DLG2: variants seen among roughly 807,000 people sequenced by gnomAD.
The protein encoded by DLG2 is disks large homolog 2.
Under a neutral mutation model 132.5 loss-of-function variants are expected in DLG2, and 45 were observed. The observed-to-expected ratio is 0.34, with a 90% CI of 0.27 to 0.44. DLG2 has a LOEUF of 0.44. DLG2 is among the 20% of genes least tolerant of loss of function. The pLI is 1.00. For synonymous variants in DLG2, 424 were observed against 419.6 expected (o/e 1.01, Z -0.13); for missense variants, 1,045 against 1,196.9 (o/e 0.87, Z 1.87).
chr11:85,012,478 C>T lies in DLG2; in HGVS notation c.357+99183G>A, dbSNP rs1358486993. Among the ~76,000 whole-genome samples the T allele has an allele frequency of 3.3e-5, 5 of 151,580 alleles. No homozygotes were observed. In the East Asian group the frequency reaches 7.7e-4, roughly 23 times the overall value. ...GGTAGAGGTTGCAGTGAGCTGAGAT[C>T]GCGCCATTGCACTACAGCCTAGGCA... On this transcript the variant is annotated intron_variant, in intron 6 of 27. Coordinates refer to ENST00000376104, the MANE Select transcript of DLG2 (RefSeq NM_001142699.3).
chr11:84,280,922 T>C (rs11820476), intron 7 of DLG2, among the ~76,000 whole-genome samples: 17 of 146,248 alleles, frequency 1.2e-4, no homozygotes, highest in African/African-American at 4.0e-4. Flanking sequence ...GGGGTTTTAC[T>C]GTGTTAGCCA....
chr11:83,734,444 GTC>G lies in DLG2; in HGVS notation c.1825+52244_1825+52245del, dbSNP rs995292410. Among the ~76,000 whole-genome samples, 8 of 124,886 alleles carry G rather than the reference GTC, an allele frequency of 6.4e-5. No homozygotes were observed. In the Admixed American group the frequency reaches 8.2e-4, roughly 13 times the overall value. 81.9% of individuals were successfully genotyped at this position (124,886 alleles called of 152,430 possible). A position where few individuals can be genotyped will look rare whatever the true frequency, so the allele number is the denominator to read the frequency against. ...CCCTCCCTCCTTCCTTTCTCTCTCTGTCTCTCTCTCTCTTTCCTTTCTTTCAG... is the reference window on the plus strand; with the variant it reads ...CCCTCCCTCCTTCCTTTCTCTCTCTGTCTCTCTCTCTTTCCTTTCTTTCAG... On this transcript the variant is annotated intron_variant, in intron 18 of 27. Coordinates refer to ENST00000376104, the MANE Select transcript of DLG2 (RefSeq NM_001142699.3).
chr11:85,179,699 A>G (rs1461175208), intron 4 of DLG2, among the ~76,000 whole-genome samples: 1 of 151,840 alleles, frequency 6.6e-6, no homozygotes, highest in Non-Finnish European at 1.5e-5. Flanking sequence ...TCAATGAACA[A>G]TGTCCTTAAA....
At chr11:85,075,907 T>C (rs1303344469) in intron 6 of DLG2, among the ~76,000 whole-genome samples, 2 of 151,938 alleles carry the variant, frequency 1.3e-5, no homozygotes, top group Non-Finnish European at 1.5e-5. Flanking sequence ...AAGTAGAATG[T>C]AGTCATGTGT....
chr11:85,569,927 C>T (rs2077748222), intron 3 of DLG2, among the ~76,000 whole-genome samples: 1 of 152,118 alleles, frequency 6.6e-6, no homozygotes, highest in Admixed American at 6.6e-5. Context: ...TACATGCACT[C>T]ACATTCATCA....
chr11:84,834,459 T>A (rs902935264), intron 6 of DLG2, among the ~76,000 whole-genome samples: 1 of 151,586 alleles, frequency 6.6e-6, no homozygotes, highest in Non-Finnish European at 1.5e-5. Context: ...TATTTGCCTA[T>A]TGAACAACCT....
chr11:83,737,689 C>T (rs1166868995), intron 18 of DLG2, among the ~76,000 whole-genome samples: 1 of 152,174 alleles, frequency 6.6e-6, no homozygotes, highest in Non-Finnish European at 1.5e-5. Context: ...TGTGGTGGCT[C>T]ACGCCTGTAA....
At chr11:83,811,092 G>T (rs182335546) in intron 17 of DLG2, among the ~76,000 whole-genome samples, 3 of 150,710 alleles carry the variant, frequency 2.0e-5, no homozygotes, top group Middle Eastern at 7.4e-3. Context: ...CTCAGGATTG[G>T]AATTTTGACT....
intron 6 of DLG2, among the ~76,000 whole-genome samples, chr11:85,037,237 C>T (rs550744682): frequency 8.0e-4 from 122 of 152,274 alleles, no homozygotes; most frequent in Admixed American, 2.5e-3. Flanking sequence ...CATATCGTCA[C>T]AGTCTCCAGA....
At chr11:85,212,871 C>A (rs962167101) in intron 4 of DLG2, among the ~76,000 whole-genome samples, 2 of 152,124 alleles carry the variant, frequency 1.3e-5, no homozygotes, top group Non-Finnish European at 2.9e-5. Context: ...ATTACCTCAA[C>A]TGTCTCTCTA....
At chr11:84,057,597 G>A (rs2096525870) in intron 11 of DLG2, among the ~76,000 whole-genome samples, 1 of 151,984 alleles carries the variant, frequency 6.6e-6, no homozygotes, top group African/African-American at 2.4e-5. Context: ...TGACCCATGA[G>A]GAATCTCTGA....
intron 6 of DLG2, among the ~76,000 whole-genome samples, chr11:85,108,007 A>AACACAC (rs10654409): frequency 0.02 from 2,817 of 142,312 alleles, 54 homozygotes; most frequent in East Asian, 0.09. Flanking sequence ...CAAACAAATA[A>AACACAC]ACACACACAC....
At chr11:83,724,789 C>T in intron 18 of DLG2, 2 of 697,146 alleles carry the variant, frequency 2.9e-6, no homozygotes, top group South Asian at 1.5e-5. Flanking sequence ...TTTCATTTTA[C>T]TGGCCACACC....
chr11:84,526,128 T>C (rs1270223021), intron 7 of DLG2, among the ~76,000 whole-genome samples: 1 of 152,190 alleles, frequency 6.6e-6, no homozygotes, highest in Admixed American at 6.5e-5. Context: ...AATAATTCTA[T>C]GACAAAATAT....
intron 18 of DLG2, among the ~76,000 whole-genome samples, chr11:83,701,556 A>G (rs560364942): frequency 2.0e-5 from 3 of 152,240 alleles, no homozygotes; most frequent in Non-Finnish European, 4.4e-5. Flanking sequence ...CTCTCAGCCC[A>G]TTAAGGGAAG....
At chr11:85,576,735 G>T (rs1590941521) in intron 3 of DLG2, among the ~76,000 whole-genome samples, 1 of 152,048 alleles carries the variant, frequency 6.6e-6, no homozygotes, top group African/African-American at 2.4e-5. Context: ...CCTTCAAGAA[G>T]ATGACATTAC....
chr11:84,192,237 T>G (rs1235278640), intron 8 of DLG2, among the ~76,000 whole-genome samples: 1 of 152,160 alleles, frequency 6.6e-6, no homozygotes, highest in Admixed American at 6.5e-5. Flanking sequence ...ATATGACAGT[T>G]TCCTTCTAGA....
At chr11:85,206,168 G>C (rs540053776) in intron 4 of DLG2, among the ~76,000 whole-genome samples, 1 of 152,208 alleles carries the variant, frequency 6.6e-6, no homozygotes, top group South Asian at 2.1e-4. Flanking sequence ...TATGTGAAGT[G>C]CTGGCTCCCC....
chr11:85,060,848 T>G lies in DLG2; in HGVS notation c.357+50813A>C, dbSNP rs564727265. Among the ~76,000 whole-genome samples the G allele has an allele frequency of 5.9e-5, 9 of 151,850 alleles. No homozygotes were observed. In the South Asian group the frequency reaches 1.9e-3, roughly 31 times the overall value. ...ACATCCTTCTCAACACTTGTTATCT[T>G]CTGGGTTTTTCTTTTTTTGTTGTTT... is the stretch of plus-strand genomic sequence containing the variant. On this transcript the variant is annotated intron_variant, in intron 6 of 27. Coordinates refer to ENST00000376104, the MANE Select transcript of DLG2 (RefSeq NM_001142699.3).
Sources: allele counts gnomAD v4.1 joint callset (sites outside exome capture counted in the v4.1 genomes callset), GRCh38; gene constraint gnomAD v4.1.1; transcripts MANE v1.5; gene names NCBI Gene and HGNC (gene_info 2026-07-23, HGNC 2026-07-21).